Variants in DGKD observed in about 807,000 individuals in gnomAD.
DGKD encodes diacylglycerol kinase delta, also known as DAG kinase delta.
In DGKD, 68 loss-of-function variants were observed where a neutral mutation model predicts 154.4. The ratio of observed to expected loss-of-function variants is 0.44; its 90% confidence interval spans 0.36 to 0.54. DGKD has a LOEUF of 0.54. DGKD is among the 20% of genes least tolerant of loss of function. The pLI, the probability that DGKD is intolerant of heterozygous loss-of-function variation, is 0.00. For missense variants in DGKD, 1,343 were observed against 1,593.6 expected, an observed-to-expected ratio of 0.84 and a Z score of 2.68; for synonymous variants, 693 against 638.0, an observed-to-expected ratio of 1.09 and a Z score of -1.30.
intron 3 of DGKD, among the ~76,000 whole-genome samples, chr2:233,396,126 G>C (rs557234294): frequency 6.6e-6 from 1 of 152,260 alleles, no homozygotes; most frequent in African/African-American, 2.4e-5. Context: ...GTGTTGCAGG[G>C]GGTTGTCGAG....
In DGKD at chr2:233,471,680, GAAC is replaced by G. The variant is rs2064020085; in HGVS notation, c.*2225_*2227del. On this transcript the variant is annotated 3_prime_UTR_variant, in exon 30 of 30. Transcript: ENST00000264057. ...AAAATTAATATGTTGTCAGTGATTA[GAAC>G]AACACTGTTTACATAAAAACCATTT... is the stretch of plus-strand genomic sequence containing the variant. 1 of 152,392 alleles carries G rather than the reference GAAC, an allele frequency of 6.6e-6. No individual in the cohort carries two copies. The highest frequency in any genetic ancestry group is 2.4e-5 in the African/African-American group (1 of 41,464). 9.4% of individuals were successfully genotyped at this position (152,392 alleles called of 1,614,324 possible).
intron 3 of DGKD, among the ~76,000 whole-genome samples, chr2:233,405,979 A>G (rs1399003796): frequency 1.3e-5 from 2 of 152,240 alleles, no homozygotes; most frequent in Admixed American, 6.5e-5. Flanking sequence ...AACAGAAGAA[A>G]TGTAATTCTA....
In DGKD at chr2:233,456,893, T is replaced by G; in HGVS notation, c.2376-6T>G. On this transcript the variant is annotated splice_region_variant and splice_polypyrimidine_tract_variant and intron_variant, in intron 19 of 29. Coordinates refer to ENST00000264057, the MANE Select transcript of DGKD (RefSeq NM_152879.3). The stretch of plus-strand genomic sequence containing the variant: ...ACCTATGGCAAGTCTTTGCTTCTGT[T>G]TCTAGGAGCCGAACCAAGAACATGA... The G allele has an allele frequency of 6.2e-7, 1 of 1,613,188 alleles. No individual in the cohort carries two copies. Among genetic ancestry groups the G allele is most frequent in the Non-Finnish European group, 8.5e-7 (1 of 1,179,190 alleles).
chr2:233,428,357 C>CT (rs2125569198), intron 3 of DGKD, among the ~76,000 whole-genome samples: 1 of 152,308 alleles, frequency 6.6e-6, no homozygotes, highest in East Asian at 1.9e-4. Context: ...TGGTGGGACT[C>CT]TCCTGTGACA....
intron 1 of DGKD, among the ~76,000 whole-genome samples, chr2:233,367,907 G>T: frequency 7.1e-6 from 1 of 139,954 alleles, no homozygotes; most frequent in South Asian, 2.2e-4. Flanking sequence ...AGCCAGTCTG[G>T]TCTTGAACTC....
intron 3 of DGKD, among the ~76,000 whole-genome samples, chr2:233,399,298 T>C (rs1308242487): frequency 6.6e-6 from 1 of 152,326 alleles, no homozygotes; most frequent in East Asian, 1.9e-4. Flanking sequence ...CATAACTCTT[T>C]GTTGAAGAGT....
At position 233,459,861 on chromosome 2, in the gene DGKD, G is replaced by A. The variant is rs143858504; in HGVS notation, c.2799G>A (p.Lys933=). ...CAGGGTACATTCGGATTGTCCACAA[G>A]AACCGGGCACAGACACTGACCAGAG... ...QPPGYIRIVH[K]NRAQTLTRDR... Residue 933 remains lysine, a synonymous_variant, in exon 23 of 30, where the codon AAG becomes AAA. Coordinates refer to ENST00000264057, the MANE Select transcript of DGKD (RefSeq NM_152879.3). This position sits in a 1 kb window ranked among gnomAD's most constrained non-coding sequence, Gnocchi z 5.7. 5 of 1,613,954 alleles carry A rather than the reference G, an allele frequency of 3.1e-6. No individual in the cohort carries two copies. In the African/African-American group the frequency reaches 6.7e-5, roughly 22 times the overall value.
chr2:233,394,690 CCTTTTTTTTTTTTTTTTTTTTT>C (rs1465002916), intron 3 of DGKD, among the ~76,000 whole-genome samples: 17 of 83,250 alleles, frequency 2.0e-4, no homozygotes, highest in African/African-American at 4.9e-4. Flanking sequence ...AATTTAATTC[CCTTTTTTTTTTTTTTTTTTTTT>C]TTTTTTTTTT....
intron 23 of DGKD, 49 bp from the exon 24 acceptor site, chr2:233,460,145 A>C: frequency 6.2e-7 from 1 of 1,600,394 alleles, no homozygotes; most frequent in Non-Finnish European, 8.5e-7. Flanking sequence ...TGTCGCAGTC[A>C]GATGCATGCT....
intron 3 of DGKD, among the ~76,000 whole-genome samples, chr2:233,410,796 C>G (rs1017996212): frequency 6.6e-6 from 1 of 152,200 alleles, no homozygotes; most frequent in Non-Finnish European, 1.5e-5. Context: ...CTCTCTCTCT[C>G]TCTCATAATT....
Position 233,468,454 on chromosome 2 carries a change from C to T in DGKD, c.3456C>T (p.Ala1152=). The change falls in exon 29 of 30, where the codon GCC becomes GCT. Residue 1152 remains alanine (A), a synonymous_variant. Coordinates refer to ENST00000264057, the MANE Select transcript of DGKD (RefSeq NM_152879.3). ...VHLWGTEEVA[A]WLEHLSLCEY... ...TCTGGGGGACAGAGGAGGTTGCTGCCTGGCTGGAGCACCTCAGTCTCTGTG... is the reference window on the plus strand; with the variant it reads ...TCTGGGGGACAGAGGAGGTTGCTGCTTGGCTGGAGCACCTCAGTCTCTGTG... 2 of 1,613,612 alleles carry T rather than the reference C, an allele frequency of 1.2e-6. No homozygotes were observed.
At position 233,472,035 on chromosome 2, in the gene DGKD, T is replaced by C. The variant is rs2064031141; in HGVS notation, c.*2575T>C. 1 of 152,388 alleles carries C rather than the reference T, an allele frequency of 6.6e-6. No individual in the cohort carries two copies. Among genetic ancestry groups the C allele is most frequent in the African/African-American group, 2.4e-5 (1 of 41,458 alleles). 9.4% of individuals were successfully genotyped at this position (152,388 alleles called of 1,614,324 possible). A position where few individuals can be genotyped will look rare whatever the true frequency, so the allele number is the denominator to read the frequency against. ...CTTGTATTGTCATGTACATAGTCCA[T>C]ACCTGAGTGCTGTACATAAGTTGTT... On this transcript the variant is annotated 3_prime_UTR_variant, in exon 30 of 30. Transcript: ENST00000264057.
Position 233,378,208 on chromosome 2 carries a change from G to C in DGKD, c.157-10049G>C, listed in dbSNP as rs191711684. Among the ~76,000 whole-genome samples the C allele has an allele frequency of 5.7e-4, 87 of 152,000 alleles. 1 individual carries two copies. In the East Asian group the frequency reaches 0.013, roughly 22 times the overall value. ...GCGGGTGGATTGCCTGAGCTCAGGA[G>C]GTCGAGACTAGCCTGGGCAACATGG... On this transcript the variant is annotated intron_variant, in intron 1 of 29. Transcript: ENST00000264057.
At chr2:233,399,368 C>T (rs1295657365) in intron 3 of DGKD, among the ~76,000 whole-genome samples, 1 of 152,238 alleles carries the variant, frequency 6.6e-6, no homozygotes, top group Non-Finnish European at 1.5e-5. Context: ...TTCGGCTCTG[C>T]AGGAAGCTTC....
intron 17 of DGKD, 89 bp from the exon 18 acceptor site, chr2:233,451,875 A>G: frequency 9.2e-7 from 1 of 1,083,808 alleles, no homozygotes; most frequent in Non-Finnish European, 1.4e-6. Context: ...GTTCTGCAGA[A>G]TACCGGTCCA....
Position 233,450,115 on chromosome 2 carries a change from G to A in DGKD, c.2022G>A (p.Gly674=), listed in dbSNP as rs1417261944. The change falls in exon 16 of 30, where the codon GGG becomes GGA. Residue 674 remains glycine, a synonymous_variant. Transcript: ENST00000264057. ...GCGAGAGCTTCGGGGTCCCCAAGGG[G>A]AGGAGCCAGCGCAAAGGTACTTGTG... ...SHSESFGVPK[G]RSQRKVSKSP... is the part of the protein sequence containing the mutation. 6.2e-7 allele frequency: 1 copy of A among 1,612,170 alleles called. No individual in the cohort carries two copies. Among genetic ancestry groups the A allele is most frequent in the Admixed American group, 1.7e-5 (1 of 59,668 alleles).
chr2:233,357,890 A>C (rs1266198692), intron 1 of DGKD, among the ~76,000 whole-genome samples: 1 of 152,192 alleles, frequency 6.6e-6, no homozygotes, highest in African/African-American at 2.4e-5. Context: ...TGGTCCATGG[A>C]CCAGACTTTG....
chr2:233,405,203 G>C (rs770728576), intron 3 of DGKD, among the ~76,000 whole-genome samples: 15 of 152,254 alleles, frequency 9.9e-5, no homozygotes, highest in Non-Finnish European at 2.1e-4. Context: ...CAGTGCAACA[G>C]TATTGAGAGG....
chr2:233,401,972 G>GT (rs1192905263), intron 3 of DGKD, among the ~76,000 whole-genome samples: 1 of 146,524 alleles, frequency 6.8e-6, no homozygotes, highest in Non-Finnish European at 1.5e-5. Context: ...CCATCGAGGG[G>GT]CCCCTCGTTT....
Sources: gnomAD v4.1 joint callset for allele counts (sites outside exome capture counted in the v4.1 genomes callset) on GRCh38, gnomAD v4.1.1 for gene constraint, Gnocchi (gnomAD v3.1) non-coding constraint, MANE v1.5 for transcripts, NCBI Gene and HGNC (gene_info 2026-07-23, HGNC 2026-07-21) for gene names.